Variants in BEND3 observed in about 807,000 individuals in gnomAD.
BEND3 encodes BEN domain-containing protein 3.
BEND3 carries 13 observed loss-of-function variants against 60.1 expected under a neutral mutation model. The ratio of observed to expected loss-of-function variants is 0.22; its 90% CI spans 0.14 to 0.34. The LOEUF is 0.34. Ranked by LOEUF, BEND3 falls within the 10% of genes least tolerant of loss-of-function variation. The pLI is 1.00. For synonymous variants in BEND3, 497 were observed against 491.5 expected (o/e 1.01, Z -0.15); for missense variants, 896 against 1,138.1 (o/e 0.79, Z 3.06).
chr6:107,073,197 GTATGTATATATATATATATATA>G lies in BEND3; in HGVS notation c.241-2269_241-2248del, dbSNP rs1220368278. 2.2e-3 allele frequency among the ~76,000 whole-genome samples: 67 copies of G among 30,210 alleles called. 4 individuals carry two copies. Among genetic ancestry groups the G allele is most frequent in the South Asian group, 8.8e-3 (9 of 1,028 alleles). The allele number at this position is 30,210 out of a possible 152,430, so 19.8% of individuals were successfully genotyped here. A position where few individuals can be genotyped will look rare whatever the true frequency, so the allele number is the denominator to read the frequency against. On this transcript the variant is annotated intron_variant, in intron 3 of 3. Coordinates refer to ENST00000369042, the MANE Select transcript of BEND3 (RefSeq NM_001367314.1). ...AATACTTCCTTCAGGGTTTGTATGT[GTATGTATATATATATATATATA>G]TATATATATATATATATATATATAT...
In BEND3 at chr6:107,068,687, G is replaced by A; in HGVS notation, c.*17C>T. ...CAGCCTCTGGTGACCCCGAATCTCT[G>A]GGCAGGTCACGGGCCTTCACTTCTC... On this transcript the variant is annotated 3_prime_UTR_variant, in exon 4 of 4. Transcript: ENST00000369042. This position sits in a 1 kb window ranked among gnomAD's most constrained non-coding sequence, Gnocchi z 5.8. The A allele has an allele frequency of 6.2e-7, 1 of 1,605,916 alleles. No individual in the cohort carries two copies. The highest frequency in any genetic ancestry group is 8.5e-7 in the Non-Finnish European group (1 of 1,176,198).
chr6:107,112,419 T>C (rs562002594), intron 1 of BEND3, among the ~76,000 whole-genome samples: 1 of 152,320 alleles, frequency 6.6e-6, no homozygotes, highest in East Asian at 1.9e-4. Flanking sequence ...TAATAGATTG[T>C]TGGGATGCTG....
At chr6:107,073,118 C>T (rs1775017465) in intron 3 of BEND3, among the ~76,000 whole-genome samples, 1 of 149,614 alleles carries the variant, frequency 6.7e-6, no homozygotes, top group South Asian at 2.1e-4. Context: ...AAACTACTCC[C>T]TTAGTGACCT....
intron 1 of BEND3, among the ~76,000 whole-genome samples, chr6:107,104,837 T>C (rs1471653645): frequency 6.6e-5 from 10 of 151,922 alleles, no homozygotes; most frequent in Non-Finnish European, 1.2e-4. Context: ...TACAGCTAGT[T>C]TTTTATTTTG....
At chr6:107,099,187 G>GT (rs1351830182) in intron 2 of BEND3, 62 bp downstream of exon 2, 3 of 1,339,580 alleles carry the variant, frequency 2.2e-6, no homozygotes, top group Admixed American at 3.4e-5. Flanking sequence ...CCATGTGAAT[G>GT]TATGACCTGA....
At chr6:107,072,859 G>A (rs1775012172) in intron 3 of BEND3, among the ~76,000 whole-genome samples, 1 of 151,948 alleles carries the variant, frequency 6.6e-6, no homozygotes, top group African/African-American at 2.4e-5. Flanking sequence ...ACAGTAGTGT[G>A]CACCTGTAGT....
intron 3 of BEND3, among the ~76,000 whole-genome samples, chr6:107,073,750 G>A (rs1007694487): frequency 6.6e-6 from 1 of 151,834 alleles, no homozygotes; most frequent in Non-Finnish European, 1.5e-5. Flanking sequence ...AGCTGGGAGT[G>A]GTGGTGTGTG....
chr6:107,074,649 CTTCTG>C (rs1375111159), intron 3 of BEND3, among the ~76,000 whole-genome samples: 1 of 151,980 alleles, frequency 6.6e-6, no homozygotes, highest in Non-Finnish European at 1.5e-5. Context: ...CTTTATGTTT[CTTCTG>C]TTCTGTTATC....
chr6:107,103,381 T>C (rs1469482064), intron 1 of BEND3, among the ~76,000 whole-genome samples: 1 of 152,208 alleles, frequency 6.6e-6, no homozygotes, highest in Non-Finnish European at 1.5e-5. Flanking sequence ...CTCGCCTACC[T>C]GACTATAGGC....
At position 107,066,953 on chromosome 6, in the gene BEND3, A is replaced by C. The variant is rs1425568400; in HGVS notation, c.*1751T>G. 6.6e-6 allele frequency: 1 copy of C among 152,144 alleles called. No homozygotes were observed. The highest frequency in any genetic ancestry group is 1.9e-4 in the East Asian group (1 of 5,194). The allele number at this position is 152,144 out of a possible 1,614,324, so 9.4% of individuals were successfully genotyped here. ...CTTTTAGTAAGCAGTGCGTGTGTGC[A>C]TGAGTAGCTGTGTAAGACAGAGAGT... On this transcript the variant is annotated 3_prime_UTR_variant, in exon 4 of 4. Coordinates refer to ENST00000369042, the MANE Select transcript of BEND3 (RefSeq NM_001367314.1).
At chr6:107,105,377 GA>G (rs35131970) in intron 1 of BEND3, among the ~76,000 whole-genome samples, 65,086 of 120,500 alleles carry the variant, frequency 0.54, 14,939 homozygotes, top group Middle Eastern at 0.66. Flanking sequence ...TCTCAAAAAA[GA>G]AAAAAAAAAA....
chr6:107,108,510 G>A (rs1424479498), intron 1 of BEND3, among the ~76,000 whole-genome samples: 3 of 152,118 alleles, frequency 2.0e-5, no homozygotes, highest in African/African-American at 4.8e-5. Flanking sequence ...CTGAGTTTCC[G>A]CTGCACTTCC....
intron 1 of BEND3, among the ~76,000 whole-genome samples, chr6:107,108,432 C>CG (rs1244355421): frequency 6.6e-6 from 1 of 152,190 alleles, no homozygotes; most frequent in Non-Finnish European, 1.5e-5. Context: ...AAGGAGGGAC[C>CG]GCACATTCCA....
At chr6:107,093,897 T>C (rs1433077502) in intron 3 of BEND3, among the ~76,000 whole-genome samples, 1 of 152,206 alleles carries the variant, frequency 6.6e-6, no homozygotes, top group Admixed American at 6.5e-5. Flanking sequence ...GTGGACTTCA[T>C]TAAAAGTAAA....
At chr6:107,089,184 C>T (rs1438934673) in intron 3 of BEND3, among the ~76,000 whole-genome samples, 1 of 151,270 alleles carries the variant, frequency 6.6e-6, no homozygotes, top group Non-Finnish European at 1.5e-5. Flanking sequence ...ACGTTTAAAA[C>T]ATTCATGTGA....
rs925188591 is a variant in BEND3, at chr6:107,065,903, T to C, written c.*2801A>G. ...CACGACTTTATTCCCTGTCAAACAT[T>C]TGTTGTCCTGTAGACACAGCCAAGG... On this transcript the variant is annotated 3_prime_UTR_variant, in exon 4 of 4. Transcript: ENST00000369042. The C allele has an allele frequency of 2.6e-5, 4 of 152,392 alleles. No individual in the cohort carries two copies. Among genetic ancestry groups the C allele is most frequent in the Middle Eastern group, 3.4e-3 (1 of 294 alleles). The allele number at this position is 152,392 out of a possible 1,614,324, so 9.4% of individuals were successfully genotyped here. A position where few individuals can be genotyped will look rare whatever the true frequency, so the allele number is the denominator to read the frequency against.
rs782196758 is a variant in BEND3, at chr6:107,069,856, C to T, written c.1335G>A (p.Pro445=). 37 of 1,613,654 alleles carry T rather than the reference C, an allele frequency of 2.3e-5. No individual in the cohort carries two copies. Among genetic ancestry groups the T allele is most frequent in the South Asian group, 4.4e-5 (4 of 91,066 alleles). ...AGTTGCGGATGATCTGCAGCCGCTG[C>T]GGGTCCAGCTCCTGCTTTCCACCGT... ...YGDGGKQELD[P]QRLQIIRNYT... Residue 445 remains proline (P), a synonymous_variant, in exon 4 of 4, where the codon CCG becomes CCA. Coordinates refer to ENST00000369042, the MANE Select transcript of BEND3 (RefSeq NM_001367314.1).
chr6:107,111,514 A>G (rs1770088093), intron 1 of BEND3, among the ~76,000 whole-genome samples: 1 of 1,922 alleles, frequency 5.2e-4, no homozygotes, highest in African/African-American at 5.3e-4. Context: ...GCATCTCAGA[A>G]AAAAAAAAAG....
Position 107,069,736 on chromosome 6 carries a change from C to T in BEND3, c.1455G>A (p.Leu485=). Residue 485 remains leucine (L), a synonymous_variant, in exon 4 of 4, where the codon CTG becomes CTA. Coordinates refer to ENST00000369042, the MANE Select transcript of BEND3 (RefSeq NM_001367314.1). ...GGGGGTCGCCTTCACTGCCCGCGTC[C>T]AGCCCCAGGCCCTCGAGCTCGTCGT... ...RINDELEGLG[L]DAGSEGDPPR... 1 of 1,611,994 alleles carries T rather than the reference C, an allele frequency of 6.2e-7. No homozygotes were observed. Among genetic ancestry groups the T allele is most frequent in the Non-Finnish European group, 8.5e-7 (1 of 1,180,024 alleles).
Sources: gnomAD v4.1 joint callset for allele counts (sites outside exome capture counted in the v4.1 genomes callset) on GRCh38, gnomAD v4.1.1 for gene constraint, Gnocchi (gnomAD v3.1) non-coding constraint, MANE v1.5 for transcripts, NCBI Gene and HGNC (gene_info 2026-07-23, HGNC 2026-07-21) for gene names.